DYNC2I1: variants seen among roughly 807,000 people sequenced by gnomAD.
The protein encoded by DYNC2I1 is cytoplasmic dynein 2 intermediate chain 1.
A neutral mutation model predicts 133.4 loss-of-function variants in DYNC2I1; 89 were observed. The observed-to-expected ratio is 0.67, with a 90% CI of 0.56 to 0.80. The LOEUF (loss-of-function observed/expected upper bound fraction) is 0.80. Ranked by LOEUF, DYNC2I1 falls within the 30% of genes least tolerant of loss-of-function variation. The pLI is 0.00. For missense variants in DYNC2I1, 1,291 were observed against 1,314.5 expected (o/e 0.98, Z 0.28); for synonymous variants, 504 against 484.3 (o/e 1.04, Z -0.54).
chr7:158,918,768 G>A lies in DYNC2I1; in HGVS notation c.1820G>A (p.Arg607His), dbSNP rs374346842. ...ATGGCCGTTTTGCTGGAAGAGGATC[G>A]CTTGGCAGCTGAACCCAGCTGGAAT... ...QVMAVLLEEDRLAAEPSWNLR... is the reference protein window; with the variant it reads ...QVMAVLLEEDHLAAEPSWNLR... The change falls in exon 15 of 25, where the codon CGC (arginine) becomes CAC (histidine). Residue 607 changes from arginine to histidine, a missense_variant. Arg to His is a conservative substitution (Grantham distance 29). Coordinates refer to ENST00000407559, the MANE Select transcript of DYNC2I1 (RefSeq NM_018051.5). 19 of 1,613,670 alleles carry A rather than the reference G, an allele frequency of 1.2e-5. No homozygotes were observed. The highest frequency in any genetic ancestry group is 7.7e-5 in the South Asian group (7 of 91,086).
At chr7:158,940,867 A>T (rs560004477) in intron 23 of DYNC2I1, among the ~76,000 whole-genome samples, 1 of 152,360 alleles carries the variant, frequency 6.6e-6, no homozygotes, top group African/African-American at 2.4e-5. Flanking sequence ...ATAAATGCCT[A>T]CATCTAAAAA....
chr7:158,952,088 G>A (rs1852071505), intron 4 of DYNC2I1, among the ~76,000 whole-genome samples: 1 of 152,208 alleles, frequency 6.6e-6, no homozygotes, highest in Admixed American at 6.5e-5. Context: ...GGTCGCGGTG[G>A]AAATCCACGT....
intron 1 of DYNC2I1, among the ~76,000 whole-genome samples, chr7:158,867,112 T>C (rs1842481301): frequency 6.6e-6 from 1 of 151,804 alleles, no homozygotes; most frequent in African/African-American, 2.4e-5. Flanking sequence ...TGAATAATTA[T>C]GGTATATTCT....
In DYNC2I1 at chr7:158,906,276, C is replaced by T. The variant is rs150545214; in HGVS notation, c.1460+185C>T. Among the ~76,000 whole-genome samples the T allele has an allele frequency of 3.1e-4, 47 of 152,180 alleles. No homozygotes were observed. The East Asian group carries it at 8.7e-3, about 28-fold the overall frequency. ...AGTAGAGCAGGTGTGTGAGCCGCTA[C>T]GTACCATGTGCTGATGTTGGATGTT... On this transcript the variant is annotated intron_variant, in intron 11 of 24. Transcript: ENST00000407559.
At chr7:158,935,418 A>T (rs1287154487) in intron 23 of DYNC2I1, among the ~76,000 whole-genome samples, 1 of 152,274 alleles carries the variant, frequency 6.6e-6, no homozygotes, top group South Asian at 2.1e-4. Context: ...AACAAGAATT[A>T]TATGACAGTC....
intron 14 of DYNC2I1, among the ~76,000 whole-genome samples, chr7:158,918,049 C>G (rs1459765138): frequency 6.6e-6 from 1 of 152,114 alleles, no homozygotes; most frequent in Non-Finnish European, 1.5e-5. Flanking sequence ...CTCAACATTT[C>G]CTGCCTCCCG....
At chr7:158,863,441 T>C (rs1409232316) in intron 1 of DYNC2I1, among the ~76,000 whole-genome samples, 2 of 151,956 alleles carry the variant, frequency 1.3e-5, no homozygotes, top group African/African-American at 4.8e-5. Context: ...CACTGAACTC[T>C]AGCCTGGGTG....
intron 7 of DYNC2I1, among the ~76,000 whole-genome samples, chr7:158,891,055 C>A (rs1297079440): frequency 1.3e-5 from 2 of 152,228 alleles, no homozygotes; most frequent in African/African-American, 4.8e-5. Context: ...AAAGCCGAGG[C>A]ACAGAGGGTT....
upstream of DYNC2I1, among the ~76,000 whole-genome samples, chr7:158,855,880 C>T (rs1417677406): frequency 2.0e-5 from 3 of 151,460 alleles, no homozygotes; most frequent in East Asian, 3.9e-4. Flanking sequence ...TATCAAAAGA[C>T]GACATATGGG....
chr7:158,840,212 G>A, the DYNC2I1 span, among the ~76,000 whole-genome samples: 2 of 151,718 alleles, frequency 1.3e-5, no homozygotes, highest in South Asian at 2.1e-4. Flanking sequence ...TGGGAGGATC[G>A]AGACCAGCCC....
intron 3 of DYNC2I1, among the ~76,000 whole-genome samples, chr7:158,873,537 G>A (rs1843065920): frequency 6.6e-6 from 1 of 152,184 alleles, no homozygotes; most frequent in Non-Finnish European, 1.5e-5. Flanking sequence ...TTCTGTTGGG[G>A]TGGAATATAC....
intron 11 of DYNC2I1, among the ~76,000 whole-genome samples, chr7:158,906,891 A>G (rs1341250172): frequency 6.6e-6 from 1 of 152,254 alleles, no homozygotes; most frequent in African/African-American, 2.4e-5. Flanking sequence ...GTGGTTGGGC[A>G]TGGTGGTATA....
chr7:158,953,015 G>A (rs1852101108), intron 4 of DYNC2I1, among the ~76,000 whole-genome samples: 1 of 152,204 alleles, frequency 6.6e-6, no homozygotes, highest in Non-Finnish European at 1.5e-5. Context: ...CCTGTGCAAT[G>A]CCAGCCCAGG....
At chr7:158,839,813 C>A in the DYNC2I1 span, among the ~76,000 whole-genome samples, 1 of 139,308 alleles carries the variant, frequency 7.2e-6, no homozygotes, top group Non-Finnish European at 1.5e-5. Flanking sequence ...GAATGAGACT[C>A]CGTCTCAAAA....
At chr7:158,953,844 A>G (rs1852125093) in intron 4 of DYNC2I1, among the ~76,000 whole-genome samples, 3 of 152,088 alleles carry the variant, frequency 2.0e-5, no homozygotes, top group South Asian at 4.1e-4. Flanking sequence ...AATGGCATAT[A>G]TGTTATATAT....
rs1193712328 is a variant in DYNC2I1 at position 158,902,378 on chromosome 7, C to G, written c.1140C>G (p.Asp380Glu). Residue 380 changes from aspartate (D) to glutamate (E), a missense_variant and splice_region_variant, in exon 10 of 25, where the codon GAC becomes GAG. By Grantham distance (45) the Asp-to-Glu change is conservative. Transcript: ENST00000407559. ...CAAAAGATTATTATTGTTTGCAGGA[C>G]TATGAAGATGACTTTGAGGTTTGTG... is the stretch of plus-strand genomic sequence containing the variant. ...YTASCEDDFE[D>E]YEDDFEVCDG... 6.2e-7 allele frequency: 1 copy of G among 1,611,502 alleles called. No homozygotes were observed. Among genetic ancestry groups the G allele is most frequent in the Admixed American group, 1.7e-5 (1 of 59,758 alleles).
chr7:158,951,026 T>C (rs1190722716), downstream of DYNC2I1, among the ~76,000 whole-genome samples: 1 of 152,258 alleles, frequency 6.6e-6, no homozygotes, highest in Non-Finnish European at 1.5e-5. Flanking sequence ...GCCCAGCCCA[T>C]CTGATCTTGC....
At position 158,952,957 on chromosome 7, in the gene DYNC2I1, G is replaced by A. The variant is rs114574607; in HGVS notation, c.*57-3626G>A. Among the ~76,000 whole-genome samples the A allele has an allele frequency of 7.5e-3, 1,140 of 152,260 alleles. 16 individuals are homozygous for A. Among genetic ancestry groups the A allele is most frequent in the African/African-American group, 0.025 (1,056 of 41,536 alleles). On this transcript the variant is annotated intron_variant and NMD_transcript_variant, in intron 4 of 4. Coordinates refer to the DYNC2I1 transcript ENST00000454771. ...TGGTGAGTCCAGAGCCCACTGCCTCGGGCTCCTGCCCAACCTCTGCCAGCA... is the reference window on the plus strand; with the variant it reads ...TGGTGAGTCCAGAGCCCACTGCCTCAGGCTCCTGCCCAACCTCTGCCAGCA...
At chr7:158,869,970 G>C (rs1313819926) in intron 2 of DYNC2I1, 62 bp downstream of exon 2, 1 of 1,419,636 alleles carries the variant, frequency 7.0e-7, no homozygotes, top group African/African-American at 1.4e-5. Flanking sequence ...TCTTGGACCT[G>C]CTTTACCTGG....
Sources: allele counts gnomAD v4.1 joint callset (sites outside exome capture counted in the v4.1 genomes callset), GRCh38; gene constraint gnomAD v4.1.1; transcripts MANE v1.5; gene names NCBI Gene and HGNC (gene_info 2026-07-23, HGNC 2026-07-21).